C12orf76: variants seen among roughly 807,000 people sequenced by gnomAD.
C12orf76 encodes the protein uncharacterized protein C12orf76.
C12orf76 carries 6 observed loss-of-function variants against 6.8 expected under a neutral mutation model. That is an observed-to-expected ratio of 0.88 (90% confidence interval 0.48 to 1.73). The LOEUF is 1.73. Ranked by LOEUF, C12orf76 falls within the 40% of genes most tolerant of loss-of-function variation. C12orf76 has a pLI of 0.01. For synonymous variants in C12orf76, 56 were observed against 43.7 expected (o/e 1.28, Z -1.11); for missense variants, 99 against 98.2 (o/e 1.01, Z -0.03).
chr12:110,066,952 T>C (rs1428318008), intron 1 of C12orf76, among the ~76,000 whole-genome samples: 1 of 152,178 alleles, frequency 6.6e-6, no homozygotes, highest in Non-Finnish European at 1.5e-5. Context: ...AGGCTCACTA[T>C]TGGCCCCAGT....
At chr12:110,052,954 G>A (rs1486889713), upstream of C12orf76, among the ~76,000 whole-genome samples, 1 of 152,208 alleles carries the variant, frequency 6.6e-6, no homozygotes, top group Non-Finnish European at 1.5e-5. Context: ...TGTATTCCCA[G>A]CACTTTGGGA....
In C12orf76 at chr12:110,048,482, G is replaced by A. The variant is rs1180285532; in HGVS notation, c.14C>T (p.Ala5Val). Reference protein sequence around the residue: MLRPALPWLYLGLCS... With the variant: MLRPVLPWLYLGLCS... ...GAGGCCAAGGTACAGCCACGGTAAC[G>A]CTGGACGCAGCATCTTCCCCAGCCC... Residue 5 changes from alanine to valine, a missense_variant, in exon 1 of 2, where the codon GCG becomes GTG. Physicochemically the swap from Ala to Val is moderately conservative, Grantham distance 64 (BLOSUM62 0). Coordinates refer to ENST00000615315, the MANE Select transcript of C12orf76 (RefSeq NM_001389625.1). The A allele has an allele frequency of 1.4e-6, 2 of 1,450,338 alleles. No individual in the cohort carries two copies. The highest frequency in any genetic ancestry group is 2.9e-5 in the African/African-American group (2 of 67,814). The allele number at this position is 1,450,338 out of a possible 1,614,324, so 89.8% of individuals were successfully genotyped here. A position where few individuals can be genotyped will look rare whatever the true frequency, so the allele number is the denominator to read the frequency against.
chr12:110,063,923 C>G (rs12581188), intron 2 of C12orf76, among the ~76,000 whole-genome samples: 1 of 151,938 alleles, frequency 6.6e-6, no homozygotes, highest in Non-Finnish European at 1.5e-5. Flanking sequence ...AACAAACAAA[C>G]GAACAAACAA....
At chr12:110,059,109 TA>T (rs1211866574) in exon 3 of C12orf76, 3 of 1,551,548 alleles carry the variant, frequency 1.9e-6, no homozygotes. Flanking sequence ...TCAGCTCTCT[TA>T]AATGCTATGG....
In C12orf76 at chr12:110,055,140, A is replaced by C. The variant is rs577723980; in HGVS notation, n.664+2049T>G. On this transcript the variant is annotated intron_variant and non_coding_transcript_variant, in intron 4 of 4. Transcript: ENST00000309050. ...CTATAGCATTTATTTAAAAAGAAAGATTGTCAAGAAAGATGTTGAGCTAAG... is the reference window on the plus strand; with the variant it reads ...CTATAGCATTTATTTAAAAAGAAAGCTTGTCAAGAAAGATGTTGAGCTAAG... Among the ~76,000 whole-genome samples the C allele has an allele frequency of 3.3e-5, 5 of 151,812 alleles. No homozygotes were observed. In the South Asian group the frequency reaches 1.0e-3, roughly 32 times the overall value.
intron 1 of C12orf76, chr12:110,067,424 G>C (rs114289207): frequency 2.0e-6 from 2 of 985,432 alleles, no homozygotes; most frequent in African/African-American, 3.5e-5. Flanking sequence ...GTAGACTTCA[G>C]AAATCCCTGG....
chr12:110,058,884 C>G, intron 3 of C12orf76: 1 of 1,320,698 alleles, frequency 7.6e-7, no homozygotes, highest in African/African-American at 1.5e-5. Context: ...AACCACTCTT[C>G]TAAGTCTATT....
At chr12:110,048,106 CAGG>C (rs1400193789) in intron 1 of C12orf76, among the ~76,000 whole-genome samples, 3 of 152,238 alleles carry the variant, frequency 2.0e-5, no homozygotes, top group East Asian at 1.9e-4. Context: ...CAGGCTGAGG[CAGG>C]AGAATTGCTT....
At chr12:110,059,075 A>G (rs1388164502) in exon 3 of C12orf76, 1 of 1,551,754 alleles carries the variant, frequency 6.4e-7, no homozygotes, top group South Asian at 1.2e-5. Context: ...CCAGCTCTGA[A>G]CGCAGCCATC....
upstream of C12orf76, among the ~76,000 whole-genome samples, chr12:110,052,588 T>A (rs1341159072): frequency 6.6e-6 from 1 of 152,226 alleles, no homozygotes; most frequent in Non-Finnish European, 1.5e-5. Context: ...AGATAGTTAC[T>A]GTGACTGATT....
At chr12:110,057,451 G>A (rs1037625737) in intron 3 of C12orf76, among the ~76,000 whole-genome samples, 3 of 152,086 alleles carry the variant, frequency 2.0e-5, no homozygotes, top group African/African-American at 4.8e-5. Flanking sequence ...AGTGCGGCAC[G>A]GAGAAGCTGA....
At chr12:110,056,820 A>G (rs1892676291) in intron 4 of C12orf76, 1 of 193,210 alleles carries the variant, frequency 5.2e-6, no homozygotes, top group African/African-American at 2.4e-5. Flanking sequence ...GCTCTTAGTC[A>G]CTTGTTGCCT....
chr12:110,064,761 T>A (rs1041741296), intron 2 of C12orf76, among the ~76,000 whole-genome samples: 1 of 152,048 alleles, frequency 6.6e-6, no homozygotes, highest in African/African-American at 2.4e-5. Flanking sequence ...TGCAGGCCTG[T>A]GAAGAAGCCA....
chr12:110,043,132 A>G (rs983192408), intron 1 of C12orf76, among the ~76,000 whole-genome samples: 2 of 152,090 alleles, frequency 1.3e-5, no homozygotes, highest in African/African-American at 4.8e-5. Flanking sequence ...AGCATGCTGC[A>G]GGCCCACAGA....
Position 110,042,471 on chromosome 12 carries a change from A to C in C12orf76, c.134-12T>G. 6.3e-7 allele frequency: 1 copy of C among 1,579,540 alleles called. No individual in the cohort carries two copies. Among genetic ancestry groups the C allele is most frequent in the Non-Finnish European group, 8.7e-7 (1 of 1,148,552 alleles). ...GGTTCCCATCAACACTGCAAAGGGAAAACAGGTTACTTCCTAATGGCAGCT... is the reference window on the plus strand; with the variant it reads ...GGTTCCCATCAACACTGCAAAGGGACAACAGGTTACTTCCTAATGGCAGCT... On this transcript the variant is annotated splice_polypyrimidine_tract_variant and intron_variant, in intron 1 of 1. Coordinates refer to ENST00000615315, the MANE Select transcript of C12orf76 (RefSeq NM_001389625.1).
chr12:110,068,540 A>G (rs1892922242), upstream of C12orf76, among the ~76,000 whole-genome samples: 1 of 152,228 alleles, frequency 6.6e-6, no homozygotes, highest in African/African-American at 2.4e-5. Flanking sequence ...CCTGGCTAAC[A>G]TAGACCTGCT....
rs1306196482 is a variant in C12orf76, at chr12:110,057,423, G to A, written n.557-127C>T. On this transcript the variant is annotated intron_variant and non_coding_transcript_variant, in intron 3 of 4. Transcript: ENST00000309050. ...TCATGGACCCCTAAAGAACAGTGGC[G>A]CCGGGCACTGTGCCTGCAGTGCGGC... The A allele has an allele frequency of 1.5e-5, 10 of 662,348 alleles. 1 individual carries two copies. Among genetic ancestry groups the A allele is most frequent in the African/African-American group, 5.4e-5 (3 of 55,394 alleles). The allele number at this position is 662,348 out of a possible 1,614,324, so 41.0% of individuals were successfully genotyped here. A position where few individuals can be genotyped will look rare whatever the true frequency, so the allele number is the denominator to read the frequency against.
At chr12:110,069,816 C>T (rs1430598630), upstream of C12orf76, among the ~76,000 whole-genome samples, 1 of 152,214 alleles carries the variant, frequency 6.6e-6, no homozygotes, top group African/African-American at 2.4e-5. Context: ...TCTCTCTCTC[C>T]ATGTCCCCAT....
upstream of C12orf76, among the ~76,000 whole-genome samples, chr12:110,053,297 G>A (rs747819461): frequency 9.9e-5 from 15 of 151,604 alleles, no homozygotes; most frequent in Non-Finnish European, 1.8e-4. Flanking sequence ...CCAGAAGTTC[G>A]AGACCAGCCT....
Sources: gnomAD v4.1 joint callset for allele counts (sites outside exome capture counted in the v4.1 genomes callset) on GRCh38, gnomAD v4.1.1 for gene constraint, MANE v1.5 for transcripts, NCBI Gene and HGNC (gene_info 2026-07-23, HGNC 2026-07-21) for gene names.